The following PTK2 variants were observed in gnomAD, a reference collection of about 807,000 sequenced individuals.
PTK2 encodes the protein focal adhesion kinase 1.
A neutral mutation model predicts 150.1 loss-of-function variants in PTK2; 45 were observed. The ratio of observed to expected loss-of-function variants is 0.30; its 90% CI spans 0.24 to 0.38. The LOEUF is 0.38. Ranked by LOEUF, PTK2 falls within the 10% of genes least tolerant of loss-of-function variation. The pLI is 1.00. For missense variants in PTK2, 919 were observed against 1,307.3 expected (o/e 0.70, Z 4.58); for synonymous variants, 432 against 449.2 (o/e 0.96, Z 0.48).
chr8:140,907,672 T>C (rs762473508), intron 2 of PTK2, among the ~76,000 whole-genome samples: 7 of 152,232 alleles, frequency 4.6e-5, no homozygotes, highest in Non-Finnish European at 7.3e-5. Context: ...GTGCTACATT[T>C]TGGTAATGCT....
At chr8:140,761,983 GC>G (rs1163228573) in intron 15 of PTK2, among the ~76,000 whole-genome samples, 1 of 152,012 alleles carries the variant, frequency 6.6e-6, no homozygotes, top group Admixed American at 6.6e-5. Flanking sequence ...GAAAGAAAAT[GC>G]CCATTAAGAA....
At chr8:140,828,168 CAA>C (rs201599904) in intron 8 of PTK2, among the ~76,000 whole-genome samples, 15 of 65,312 alleles carry the variant, frequency 2.3e-4, no homozygotes, top group Non-Finnish European at 3.3e-4. Context: ...TCTGTCTCAA[CAA>C]AAAAAAAAAA....
At chr8:140,735,049 A>G (rs1281119239) in intron 22 of PTK2, 2 of 599,608 alleles carry the variant, frequency 3.3e-6, no homozygotes, top group Non-Finnish European at 5.9e-6. Flanking sequence ...GAGCTTTATT[A>G]AAATTTTAAA....
chr8:140,962,951 T>C (rs917229410), intron 1 of PTK2, among the ~76,000 whole-genome samples: 1 of 151,836 alleles, frequency 6.6e-6, no homozygotes, highest in African/African-American at 2.4e-5. Context: ...ATTCTTTGTG[T>C]TAAGTACATT....
intron 3 of PTK2, chr8:140,890,268 A>T (rs890668884): frequency 7.9e-5 from 12 of 151,288 alleles, no homozygotes; most frequent in Non-Finnish European, 1.5e-4. Flanking sequence ...TCCAAGAGTT[A>T]AAAAAAAAAA....
intron 22 of PTK2, among the ~76,000 whole-genome samples, chr8:140,733,932 C>G (rs1456036483): frequency 2.0e-5 from 3 of 152,160 alleles, no homozygotes; most frequent in Admixed American, 2.0e-4. Context: ...AGACTTTAAA[C>G]TCTCTGGGGG....
rs1340630217 is a variant in PTK2 at position 140,927,969 on chromosome 8, AAAAAAAAT to A, written c.-121-2228_-121-2221del. Among the ~76,000 whole-genome samples the A allele has an allele frequency of 4.8e-3, 357 of 74,908 alleles. 1 individual carries two copies. Among genetic ancestry groups the A allele is most frequent in the African/African-American group, 0.018 (341 of 19,086 alleles). 49.1% of individuals were successfully genotyped at this position (74,908 alleles called of 152,430 possible). On this transcript the variant is annotated intron_variant, in intron 1 of 31. Coordinates refer to ENST00000522684, the Ensembl canonical transcript of PTK2. ...AAAAAAAAAAAAAAGAAAAAAAAAAAAAAAAAATATATATATATATATATGTATATATA... is the reference window on the plus strand; with the variant it reads ...AAAAAAAAAAAAAAGAAAAAAAAAAAATATATATATATATATGTATATATA...
chr8:140,759,842 C>CTCA (rs1293641370), intron 16 of PTK2, among the ~76,000 whole-genome samples: 3 of 151,710 alleles, frequency 2.0e-5, no homozygotes, highest in Non-Finnish European at 4.4e-5. Context: ...GACTCTCTCT[C>CTCA]TCACCCACAC....
intron 26 of PTK2, among the ~76,000 whole-genome samples, chr8:140,690,676 G>T (rs1564441195): frequency 6.6e-6 from 1 of 152,126 alleles, no homozygotes; most frequent in Non-Finnish European, 1.5e-5. Flanking sequence ...AAATGTAAAA[G>T]TAATTATCAT....
chr8:140,660,595 G>A (rs1179024277), intron 31 of PTK2: 1 of 455,160 alleles, frequency 2.2e-6, no homozygotes, highest in Non-Finnish European at 4.4e-6. Context: ...GTATGGTGGT[G>A]TGCACCTGTA....
intron 22 of PTK2, among the ~76,000 whole-genome samples, chr8:140,726,504 G>A (rs2100045899): frequency 6.6e-6 from 1 of 152,026 alleles, no homozygotes; most frequent in South Asian, 2.1e-4. Context: ...AATCATGGAA[G>A]CTGCCAGAGA....
chr8:140,951,386 G>C (rs1169635155), intron 1 of PTK2, among the ~76,000 whole-genome samples: 2 of 152,160 alleles, frequency 1.3e-5, no homozygotes, highest in East Asian at 3.8e-4. Context: ...TGTGAAATAA[G>C]GGACCTATAT....
rs1365297003 is a variant in PTK2, at chr8:140,922,828, G to A, written c.-33+2833C>T. Among the ~76,000 whole-genome samples, 6 of 152,238 alleles carry A rather than the reference G, an allele frequency of 3.9e-5. No homozygotes were observed. The East Asian group carries it at 5.8e-4, about 15-fold the overall frequency. The stretch of plus-strand genomic sequence containing the variant: ...TTACCAAGCCCACTCGGTCATCTAC[G>A]ATGCCAGGGTCTTCACACCACAGCA... On this transcript the variant is annotated intron_variant, in intron 2 of 31. Transcript: ENST00000522684.
intron 7 of PTK2, among the ~76,000 whole-genome samples, chr8:140,839,864 C>T (rs888685166): frequency 7.2e-5 from 11 of 151,826 alleles, no homozygotes; most frequent in African/African-American, 1.9e-4. Context: ...AAAAAGAAAT[C>T]GAAGCACAAG....
chr8:140,852,615 T>C (rs1431374422), intron 5 of PTK2, among the ~76,000 whole-genome samples: 2 of 152,262 alleles, frequency 1.3e-5, no homozygotes, highest in African/African-American at 4.8e-5. Context: ...CTTAAATTAT[T>C]TTATTGTATG....
At chr8:140,869,893 G>A (rs1347126859) in intron 4 of PTK2, among the ~76,000 whole-genome samples, 3 of 150,382 alleles carry the variant, frequency 2.0e-5, no homozygotes, top group Non-Finnish European at 4.4e-5. Flanking sequence ...AAAGTAAATC[G>A]ACAATTACAG....
At chr8:140,852,823 G>A (rs778397888) in intron 5 of PTK2, among the ~76,000 whole-genome samples, 8 of 152,162 alleles carry the variant, frequency 5.3e-5, no homozygotes, top group East Asian at 3.8e-4. Context: ...TTAACTCAGC[G>A]GCAGGTCTGG....
At chr8:140,932,255 C>G (rs61307926) in intron 1 of PTK2, among the ~76,000 whole-genome samples, 62,784 of 151,984 alleles carry the variant, frequency 0.41, 15,060 homozygotes, top group Non-Finnish European at 0.55. Flanking sequence ...AAGTCTGTTG[C>G]CCAGGCTGGA....
At chr8:140,924,146 C>G (rs2100168568) in intron 2 of PTK2, among the ~76,000 whole-genome samples, 1 of 152,302 alleles carries the variant, frequency 6.6e-6, no homozygotes, top group Admixed American at 6.5e-5. Context: ...TTGCCACTCC[C>G]TGCCCACGTC....
Sources: gnomAD v4.1 joint callset for allele counts (sites outside exome capture counted in the v4.1 genomes callset) on GRCh38, gnomAD v4.1.1 for gene constraint, MANE v1.5 for transcripts, NCBI Gene and HGNC (gene_info 2026-07-23, HGNC 2026-07-21) for gene names.